Variants in LRFN2 observed in about 807,000 individuals in gnomAD.
The protein encoded by LRFN2 is leucine rich repeat and fibronectin type III domain containing 2, also known as leucine-rich repeat and fibronectin type-III domain-containing protein 2.
In LRFN2, 18 loss-of-function variants were observed where a neutral mutation model predicts 37.3. That is an observed-to-expected ratio of 0.48 (90% CI 0.33 to 0.72). LRFN2 has a LOEUF of 0.72. LRFN2 is among the 30% of genes least tolerant of loss of function. The pLI is 0.02. For missense variants in LRFN2, 1,006 were observed against 1,060.7 expected (o/e 0.95, Z 0.72); for synonymous variants, 556 against 466.6 (o/e 1.19, Z -2.47).
At chr6:40,545,202 GA>G (rs1408917819) in intron 1 of LRFN2, among the ~76,000 whole-genome samples, 1 of 152,180 alleles carries the variant, frequency 6.6e-6, no homozygotes, top group East Asian at 1.9e-4. Context: ...TCTCCTTTTG[GA>G]AACTGACCAG....
At chr6:40,473,666 A>G (rs1581733047) in intron 1 of LRFN2, among the ~76,000 whole-genome samples, 2 of 152,142 alleles carry the variant, frequency 1.3e-5, no homozygotes, top group Admixed American at 6.5e-5. Context: ...TGCTGCATCT[A>G]TCAACCCATC....
In LRFN2 at chr6:40,433,336, CTATT is replaced by C. The variant is rs553740267; in HGVS notation, c.-18-209_-18-206del. Among the ~76,000 whole-genome samples, 524 of 152,354 alleles carry C rather than the reference CTATT, an allele frequency of 3.4e-3. 2 individuals carry two copies. The highest frequency in any genetic ancestry group is 5.6e-3 in the Non-Finnish European group (383 of 68,032). ...CTTAGCTTTATCACCTTCTAACACA[CTATT>C]TAGTTTACTTATTTATGATGTTTAT... On this transcript the variant is annotated intron_variant, in intron 1 of 2. Transcript: ENST00000338305.
chr6:40,568,009 C>G (rs981968111), intron 1 of LRFN2, among the ~76,000 whole-genome samples: 2 of 152,196 alleles, frequency 1.3e-5, no homozygotes, highest in Admixed American at 1.3e-4. Context: ...CAATTTACCC[C>G]CAAAACGTAC....
intron 1 of LRFN2, among the ~76,000 whole-genome samples, chr6:40,517,926 G>A (rs982436654): frequency 1.3e-5 from 2 of 152,170 alleles, no homozygotes; most frequent in African/African-American, 4.8e-5. Flanking sequence ...TCCAAGGGCA[G>A]ATCAGGCCTG....
rs200595042 is a variant in LRFN2, at chr6:40,432,217, C to G, written c.897G>C (p.Leu299=). The change falls in exon 2 of 3, where the codon CTG becomes CTC. Residue 299 remains leucine (L), a synonymous_variant. Transcript: ENST00000338305. ...PLITQHTHKL[L]VLEGQAATLK... ...GTGTGGCCGCCTGGCCCTCCAGAAC[C>G]AGCAACTTGTGTGTGTGCTGGGTGA... 1.9e-6 allele frequency: 3 copies of G among 1,613,900 alleles called. No homozygotes were observed. Among genetic ancestry groups the G allele is most frequent in the Admixed American group, 1.7e-5 (1 of 60,016 alleles).
intron 1 of LRFN2, among the ~76,000 whole-genome samples, chr6:40,465,112 A>G (rs1414359316): frequency 6.6e-6 from 1 of 152,144 alleles, no homozygotes; most frequent in Non-Finnish European, 1.5e-5. Context: ...GAGTGATGCA[A>G]TGTGAGAAGA....
intron 1 of LRFN2, among the ~76,000 whole-genome samples, chr6:40,440,695 A>G (rs1285139519): frequency 6.6e-6 from 1 of 152,156 alleles, no homozygotes; most frequent in African/African-American, 2.4e-5. Context: ...AAATACCTCA[A>G]CATCCTCACC....
At chr6:40,488,369 C>G (rs1765013901) in intron 1 of LRFN2, among the ~76,000 whole-genome samples, 1 of 151,622 alleles carries the variant, frequency 6.6e-6, no homozygotes, top group African/African-American at 2.4e-5. Flanking sequence ...TCCCCACCAT[C>G]TTCCATTCCC....
chr6:40,403,313 T>A (rs1192090717), intron 2 of LRFN2, among the ~76,000 whole-genome samples: 1 of 8,210 alleles, frequency 1.2e-4, no homozygotes, highest in Non-Finnish European at 3.4e-3. Flanking sequence ...TGAGTGATAA[T>A]GGGGGAAGCA....
At chr6:40,581,003 G>GGT (rs1561915420) in intron 1 of LRFN2, among the ~76,000 whole-genome samples, 1 of 152,052 alleles carries the variant, frequency 6.6e-6, no homozygotes, top group Non-Finnish European at 1.5e-5. Flanking sequence ...CACTGGTGGG[G>GGT]GTGTGTGTGT....
chr6:40,512,481 A>C (rs1420213359), intron 1 of LRFN2, among the ~76,000 whole-genome samples: 1 of 152,144 alleles, frequency 6.6e-6, no homozygotes, highest in Non-Finnish European at 1.5e-5. Flanking sequence ...TGTAGCACAC[A>C]CCTATTTCAG....
At chr6:40,456,345 A>G (rs1433740) in intron 1 of LRFN2, among the ~76,000 whole-genome samples, 40,308 of 152,204 alleles carry the variant, frequency 0.26, 6,242 homozygotes, top group Middle Eastern at 0.42. Flanking sequence ...ATAACTGCTT[A>G]GAAAGCCAGA....
intron 1 of LRFN2, among the ~76,000 whole-genome samples, chr6:40,573,842 G>A (rs1196442292): frequency 1.3e-5 from 2 of 152,154 alleles, no homozygotes. Flanking sequence ...GCCAGGCATG[G>A]TGATGCTACT....
chr6:40,562,608 C>T (rs184884098), intron 1 of LRFN2, among the ~76,000 whole-genome samples: 63 of 152,296 alleles, frequency 4.1e-4, no homozygotes, highest in African/African-American at 1.5e-3. Context: ...TTTCCCTCTG[C>T]TGCTCTGAAA....
At chr6:40,560,990 T>C (rs1654793028) in intron 1 of LRFN2, among the ~76,000 whole-genome samples, 2 of 152,186 alleles carry the variant, frequency 1.3e-5, no homozygotes, top group Non-Finnish European at 2.9e-5. Flanking sequence ...GGAGTGTCCA[T>C]CTGTGCTAAG....
At chr6:40,530,230 T>C (rs1328990146) in intron 1 of LRFN2, among the ~76,000 whole-genome samples, 5 of 152,152 alleles carry the variant, frequency 3.3e-5, no homozygotes, top group African/African-American at 1.2e-4. Flanking sequence ...CCCCTGTGGC[T>C]TAGAAAGATA....
At chr6:40,502,601 C>T (rs1759224891) in intron 1 of LRFN2, among the ~76,000 whole-genome samples, 1 of 152,204 alleles carries the variant, frequency 6.6e-6, no homozygotes, top group African/African-American at 2.4e-5. Flanking sequence ...ACAAATGGGA[C>T]ATTCACTCAA....
In LRFN2 at chr6:40,432,067, G is replaced by T. The variant is rs752265187; in HGVS notation, c.1047C>A (p.Thr349=). The T allele has an allele frequency of 1.9e-6, 3 of 1,614,070 alleles. No individual in the cohort carries two copies. The highest frequency in any genetic ancestry group is 2.5e-6 in the Non-Finnish European group (3 of 1,180,030). The change falls in exon 2 of 3, where the codon ACC becomes ACA. Residue 349 remains threonine, a synonymous_variant. Transcript: ENST00000338305. The stretch of plus-strand genomic sequence containing the variant: ...TGAAGGCACCACTGTCCTGAGATGT[G>T]GTGATGAAGATGTCCAGGGTGCCAT... ...YDNGTLDIFI[T]TSQDSGAFTC...
At chr6:40,435,052 T>TATATATATATAG (rs1482968698) in intron 1 of LRFN2, among the ~76,000 whole-genome samples, 21 of 37,534 alleles carry the variant, frequency 5.6e-4, no homozygotes, top group East Asian at 1.8e-3. Flanking sequence ...TATATATATA[T>TATATATATATAG]AGAGAGAGAG....
Sources: gnomAD v4.1 joint callset for allele counts (sites outside exome capture counted in the v4.1 genomes callset) on GRCh38, gnomAD v4.1.1 for gene constraint, MANE v1.5 for transcripts, NCBI Gene and HGNC (gene_info 2026-07-23, HGNC 2026-07-21) for gene names.